Variants in ATP2C2 observed in about 807,000 individuals in gnomAD.
The protein encoded by ATP2C2 is ATPase secretory pathway Ca2+ transporting 2.
In ATP2C2, 171 loss-of-function variants were observed where a neutral mutation model predicts 110.8. That is an observed-to-expected ratio of 1.54 (90% CI 1.36 to 1.75). ATP2C2 has a LOEUF of 1.75. Among genes scored for constraint, ATP2C2 ranks in the 40% most tolerant of loss-of-function variants. ATP2C2 has a pLI of 0.00. For missense variants in ATP2C2, 1,963 were observed against 1,235.0 expected (o/e 1.59, Z -8.84); for synonymous variants, 804 against 508.4 (o/e 1.58, Z -7.82).
At chr16:84,405,305 C>G (rs1905665919) in intron 3 of ATP2C2, 61 bp downstream of exon 3, 2 of 1,414,130 alleles carry the variant, frequency 1.4e-6, no homozygotes, top group Non-Finnish European at 2.0e-6. Context: ...GTGGGGCAGC[C>G]ATTCCATCTT....
At chr16:84,439,911 T>C (rs1567725703) in intron 13 of ATP2C2, among the ~76,000 whole-genome samples, 1 of 152,338 alleles carries the variant, frequency 6.6e-6, no homozygotes, top group East Asian at 1.9e-4. Context: ...CTCTGCTCAC[T>C]GTAACCTTCA....
intron 7 of ATP2C2, among the ~76,000 whole-genome samples, chr16:84,418,725 C>T (rs896102754): frequency 1.3e-5 from 2 of 152,204 alleles, no homozygotes; most frequent in Non-Finnish European, 2.9e-5. Context: ...AGGACGTTCT[C>T]TCTCTCCCTG....
chr16:84,460,563 C>G, intron 23 of ATP2C2, 91 bp from the exon 24 acceptor site: 1 of 1,581,804 alleles, frequency 6.3e-7, no homozygotes, highest in Non-Finnish European at 8.7e-7. Flanking sequence ...CCTGTGCCAA[C>G]TTGGCCTGGG....
chr16:84,405,068 C>T, intron 2 of ATP2C2, 60 bp from the exon 3 acceptor site: 1 of 1,386,420 alleles, frequency 7.2e-7, no homozygotes, highest in Non-Finnish European at 1.0e-6. Flanking sequence ...GAGTCTGTAC[C>T]CTGTTGCCTC....
chr16:84,395,656 C>T (rs190694732), intron 1 of ATP2C2, among the ~76,000 whole-genome samples: 2 of 151,778 alleles, frequency 1.3e-5, no homozygotes, highest in South Asian at 2.1e-4. Flanking sequence ...ATTACAGATG[C>T]CTGCCACCAT....
At chr16:84,385,039 ACT>A (rs1904301468) in intron 1 of ATP2C2, among the ~76,000 whole-genome samples, 1 of 152,046 alleles carries the variant, frequency 6.6e-6, no homozygotes, top group Non-Finnish European at 1.5e-5. Flanking sequence ...ACAGAGTGAG[ACT>A]CTGTCTCAAA....
chr16:84,381,180 G>A (rs969976644), intron 1 of ATP2C2, among the ~76,000 whole-genome samples: 2 of 152,178 alleles, frequency 1.3e-5, no homozygotes, highest in Admixed American at 6.5e-5. Context: ...TTGCGTGCAG[G>A]GGTGGATCTT....
chr16:84,377,950 A>C (rs1477172734), intron 1 of ATP2C2, among the ~76,000 whole-genome samples: 1 of 152,106 alleles, frequency 6.6e-6, no homozygotes, highest in Non-Finnish European at 1.5e-5. Context: ...TATTCCTATG[A>C]CCTTCCCTAA....
intron 6 of ATP2C2, among the ~76,000 whole-genome samples, chr16:84,411,953 TTTTC>T (rs1223768162): frequency 1.3e-5 from 2 of 151,820 alleles, no homozygotes; most frequent in African/African-American, 2.4e-5. Context: ...CTTTTCTTTC[TTTTC>T]TTTCTTTCCT....
intron 10 of ATP2C2, among the ~76,000 whole-genome samples, 153 bp from the exon 11 acceptor site, chr16:84,425,577 TAGAAA>T (rs1221326374): frequency 6.6e-6 from 1 of 152,136 alleles, no homozygotes; most frequent in East Asian, 1.9e-4. Flanking sequence ...GTATCTCCCT[TAGAAA>T]AGAGAAGAGA....
chr16:84,398,861 C>T (rs1175184886), intron 2 of ATP2C2, among the ~76,000 whole-genome samples: 2 of 152,230 alleles, frequency 1.3e-5, no homozygotes, highest in South Asian at 4.1e-4. Flanking sequence ...TACGCTGCTT[C>T]TCTTCAGCCT....
At chr16:84,414,894 A>G (rs1038927699) in intron 6 of ATP2C2, among the ~76,000 whole-genome samples, 1 of 152,072 alleles carries the variant, frequency 6.6e-6, no homozygotes, top group Non-Finnish European at 1.5e-5. Context: ...TTGGGGTTCT[A>G]AGAGCGCTCC....
chr16:84,419,443 C>A (rs957048184), intron 7 of ATP2C2, among the ~76,000 whole-genome samples: 5 of 152,084 alleles, frequency 3.3e-5, no homozygotes, highest in African/African-American at 7.2e-5. Context: ...TCTCACGGGG[C>A]CCACCCCGGT....
chr16:84,419,625 A>G (rs1332069438), intron 7 of ATP2C2, among the ~76,000 whole-genome samples: 1 of 95,528 alleles, frequency 1.0e-5, no homozygotes, highest in Non-Finnish European at 2.2e-5. Flanking sequence ...GCCCTTTTCC[A>G]GGTCTCCTCC....
In ATP2C2 at chr16:84,459,261, G is replaced by T. The variant is rs775204799; in HGVS notation, c.2217-9G>T. ...GGGCGGCCGCTGACTGGCTGCGTGT[G>T]CCCCGCAGGAGCATCTCCGCCCTGA... is the stretch of plus-strand genomic sequence containing the variant. On this transcript the variant is annotated splice_polypyrimidine_tract_variant and intron_variant, in intron 22 of 26. Transcript: ENST00000262429. The T allele has an allele frequency of 6.2e-7, 1 of 1,614,054 alleles. No homozygotes were observed. The highest frequency in any genetic ancestry group is 2.2e-5 in the East Asian group (1 of 44,882).
intron 1 of ATP2C2, among the ~76,000 whole-genome samples, chr16:84,372,176 G>C (rs1909991810): frequency 6.6e-6 from 1 of 152,126 alleles, no homozygotes; most frequent in Admixed American, 6.5e-5. Context: ...GATCGTTGAA[G>C]GGTTTTAAGT....
intron 13 of ATP2C2, among the ~76,000 whole-genome samples, chr16:84,440,268 G>A (rs11149656): frequency 0.34 from 52,382 of 152,172 alleles, 9,590 homozygotes; most frequent in East Asian, 0.54. Flanking sequence ...AAGTCCTTGC[G>A]TGTTTTTCAG....
intron 14 of ATP2C2, 53 bp downstream of exon 14, chr16:84,441,011 G>C: frequency 1.4e-6 from 2 of 1,406,698 alleles, no homozygotes; most frequent in African/African-American, 1.4e-5. Flanking sequence ...GAGGCTTCTG[G>C]GGCTCCTCTC....
intron 23 of ATP2C2, chr16:84,459,665 T>C (rs1245965395): frequency 4.5e-6 from 6 of 1,321,088 alleles, no homozygotes; most frequent in Non-Finnish European, 3.1e-6. Flanking sequence ...ATTCTCATGC[T>C]TCATTCCAGT....
Sources: allele counts gnomAD v4.1 joint callset (sites outside exome capture counted in the v4.1 genomes callset), GRCh38; gene constraint gnomAD v4.1.1; transcripts MANE v1.5; gene names NCBI Gene and HGNC (gene_info 2026-07-23, HGNC 2026-07-21).